PCCA: variants seen among roughly 807,000 people sequenced by gnomAD.
PCCA encodes propionyl-CoA carboxylase subunit alpha, also known as propionyl-CoA carboxylase alpha chain, mitochondrial.
Under a neutral mutation model 101.3 loss-of-function variants are expected in PCCA, and 74 were observed. The observed-to-expected ratio is 0.73, with a 90% CI of 0.61 to 0.89. PCCA has a LOEUF of 0.89. PCCA is among the 40% of genes least tolerant of loss of function. The probability of loss-of-function intolerance (pLI) is 0.00; values close to 1 mark genes in which losing one functional copy is unlikely to be tolerated. For missense variants in PCCA, 891 were observed against 907.0 expected (o/e 0.98, Z 0.23); for synonymous variants, 294 against 313.6 (o/e 0.94, Z 0.66).
Position 100,425,608 on chromosome 13 carries a change from A to G in PCCA, c.1747-25A>G, listed in dbSNP as rs368716661. ...CAGTTTTCTGTCTTTCTTCATGGTA[A>G]TGGTCTTATTTGGTGTCACAACAGG... On this transcript the variant is annotated intron_variant, in intron 19 of 23. Coordinates refer to ENST00000376285, the MANE Select transcript of PCCA (RefSeq NM_000282.4). 7 of 1,486,484 alleles carry G rather than the reference A, an allele frequency of 4.7e-6. No individual in the cohort carries two copies. The African/African-American group carries it at 6.9e-5, about 15-fold the overall frequency. The allele number at this position is 1,486,484 out of a possible 1,614,324, so 92.1% of individuals were successfully genotyped here. A position where few individuals can be genotyped will look rare whatever the true frequency, so the allele number is the denominator to read the frequency against.
chr13:100,250,253 G>T (rs1185884128), intron 8 of PCCA, among the ~76,000 whole-genome samples: 1 of 151,966 alleles, frequency 6.6e-6, no homozygotes, highest in African/African-American at 2.4e-5. Flanking sequence ...TTTATTCCTA[G>T]TTTGCTAAAC....
chr13:100,297,305 C>G (rs896788746), intron 12 of PCCA, among the ~76,000 whole-genome samples: 4 of 152,192 alleles, frequency 2.6e-5, no homozygotes, highest in Non-Finnish European at 5.9e-5. Context: ...TACTTTCACT[C>G]ACTAGCTTTA....
intron 19 of PCCA, among the ~76,000 whole-genome samples, chr13:100,413,401 A>G (rs575737400): frequency 1.9e-4 from 29 of 152,254 alleles, no homozygotes; most frequent in Non-Finnish European, 2.4e-4. Flanking sequence ...AGCAAAATAC[A>G]TATGAAAAGC....
At chr13:100,491,222 G>C (rs1031175809) in intron 21 of PCCA, 2 of 157,132 alleles carry the variant, frequency 1.3e-5, no homozygotes, top group East Asian at 3.8e-4. Context: ...GGAAGGAAAT[G>C]TATGTTATGA....
intron 20 of PCCA, among the ~76,000 whole-genome samples, chr13:100,440,518 C>A (rs1719260082): frequency 6.6e-6 from 1 of 151,252 alleles, no homozygotes; most frequent in African/African-American, 2.4e-5. Flanking sequence ...TAGTTTTAAT[C>A]CTAATAACTG....
intron 21 of PCCA, among the ~76,000 whole-genome samples, chr13:100,469,267 A>C (rs1177205196): frequency 6.6e-6 from 1 of 151,420 alleles, no homozygotes; most frequent in Admixed American, 6.6e-5. Flanking sequence ...AAAAAGAGGA[A>C]GGCTTATTAA....
chr13:100,396,897 T>G (rs575980542), intron 19 of PCCA, among the ~76,000 whole-genome samples: 42 of 152,236 alleles, frequency 2.8e-4, no homozygotes, highest in Admixed American at 1.6e-3. Flanking sequence ...GCCTCCCCAT[T>G]TCTGTCCCCA....
intron 7 of PCCA, among the ~76,000 whole-genome samples, chr13:100,211,421 T>C (rs1005356391): frequency 3.3e-5 from 5 of 152,216 alleles, no homozygotes; most frequent in Non-Finnish European, 7.3e-5. Flanking sequence ...ACCTCTTCCC[T>C]TTGTTAAATC....
intron 16 of PCCA, among the ~76,000 whole-genome samples, chr13:100,329,331 C>T (rs543880844): frequency 2.0e-5 from 3 of 152,116 alleles, no homozygotes; most frequent in East Asian, 3.9e-4. Flanking sequence ...ACATCAGCAG[C>T]GCGTTTGGCC....
At position 100,416,553 on chromosome 13, in the gene PCCA, T is replaced by TA. The variant is rs1366147475; in HGVS notation, c.1747-9079dup. ...GTGTGTGTGTATGTATTTTTTTTTT[T>TA]ATGGAGTCTTGCTCTGTTGCCCAGG... is the stretch of plus-strand genomic sequence containing the variant. On this transcript the variant is annotated intron_variant, in intron 19 of 23. Coordinates refer to ENST00000376285, the MANE Select transcript of PCCA (RefSeq NM_000282.4). Among the ~76,000 whole-genome samples, 10 of 149,328 alleles carry TA rather than the reference T, an allele frequency of 6.7e-5. No individual in the cohort carries two copies. In the South Asian group the frequency reaches 1.1e-3, roughly 16 times the overall value.
chr13:100,369,372 A>T (rs750347451), intron 19 of PCCA, among the ~76,000 whole-genome samples: 1 of 152,246 alleles, frequency 6.6e-6, no homozygotes, highest in Non-Finnish European at 1.5e-5. Flanking sequence ...GGATATGAAC[A>T]TCAAAACAAT....
At chr13:100,318,581 G>A (rs2067649284) in intron 16 of PCCA, among the ~76,000 whole-genome samples, 1 of 150,202 alleles carries the variant, frequency 6.7e-6, no homozygotes, top group South Asian at 2.1e-4. Flanking sequence ...AACATGCGGT[G>A]TTTGGTTTTT....
chr13:100,327,562 T>C (rs528118944), intron 16 of PCCA, among the ~76,000 whole-genome samples: 2 of 152,360 alleles, frequency 1.3e-5, no homozygotes, highest in South Asian at 2.1e-4. Flanking sequence ...TATAGACATA[T>C]GTTTTTATTT....
At chr13:100,157,871 G>C (rs2054036862) in intron 6 of PCCA, among the ~76,000 whole-genome samples, 1 of 152,152 alleles carries the variant, frequency 6.6e-6, no homozygotes, top group Admixed American at 6.5e-5. Flanking sequence ...ATATGATTTT[G>C]ATTAATGTTT....
At chr13:100,472,474 A>G (rs1165332303) in intron 21 of PCCA, among the ~76,000 whole-genome samples, 1 of 152,020 alleles carries the variant, frequency 6.6e-6, no homozygotes, top group Non-Finnish European at 1.5e-5. Flanking sequence ...CGACGAGGAG[A>G]GGTTAATGCC....
At chr13:100,462,174 T>C (rs565160012) in intron 21 of PCCA, among the ~76,000 whole-genome samples, 7 of 152,368 alleles carry the variant, frequency 4.6e-5, no homozygotes, top group Non-Finnish European at 1.0e-4. Flanking sequence ...AATATAAATG[T>C]AGTCTTAATC....
intron 1 of PCCA, among the ~76,000 whole-genome samples, chr13:100,097,844 A>C (rs984900223): frequency 6.6e-6 from 1 of 152,114 alleles, no homozygotes; most frequent in South Asian, 2.1e-4. Context: ...AGAACCCCCC[A>C]GCCGCCCAGT....
intron 6 of PCCA, among the ~76,000 whole-genome samples, chr13:100,184,622 A>G (rs1439051235): frequency 2.6e-5 from 4 of 152,170 alleles, no homozygotes; most frequent in Non-Finnish European, 5.9e-5. Context: ...ATTCAACTCC[A>G]TTCTAAATAC....
At chr13:100,282,255 C>T (rs1393235802) in intron 12 of PCCA, among the ~76,000 whole-genome samples, 2 of 152,232 alleles carry the variant, frequency 1.3e-5, no homozygotes, top group African/African-American at 4.8e-5. Context: ...AGCAAAGACC[C>T]TGGCAGTTGT....
Sources: gnomAD v4.1 joint callset for allele counts (sites outside exome capture counted in the v4.1 genomes callset) on GRCh38, gnomAD v4.1.1 for gene constraint, MANE v1.5 for transcripts, NCBI Gene and HGNC (gene_info 2026-07-23, HGNC 2026-07-21) for gene names.